Variants in OGG1 observed in about 807,000 individuals in gnomAD.
The protein encoded by OGG1 is N-glycosylase/DNA lyase.
A neutral mutation model predicts 42.3 loss-of-function variants in OGG1; 35 were observed. That is an observed-to-expected ratio of 0.83 (90% CI 0.63 to 1.10). OGG1 has a LOEUF of 1.10. Among genes scored for constraint, OGG1 ranks in the 50% least tolerant of loss-of-function variants. The probability of loss-of-function intolerance (pLI) is 0.00; values close to 1 mark genes in which losing one functional copy is unlikely to be tolerated. For synonymous variants in OGG1, 189 were observed against 179.0 expected, an observed-to-expected ratio of 1.06 and a Z score of -0.44; for missense variants, 484 against 446.7, an observed-to-expected ratio of 1.08 and a Z score of -0.75.
At chr3:9,786,680 A>G (rs1559718775) in intron 3 of OGG1, among the ~76,000 whole-genome samples, 1 of 152,184 alleles carries the variant, frequency 6.6e-6, no homozygotes, top group Non-Finnish European at 1.5e-5. Context: ...TTGTGGAGTA[A>G]GGCTACCTTT....
At chr3:9,760,646 C>T, downstream of OGG1, 1 of 1,613,654 alleles carries the variant, frequency 6.2e-7, no homozygotes, top group Non-Finnish European at 8.5e-7. Flanking sequence ...AAAAGCAAAG[C>T]CCCAAATACC....
At chr3:9,786,582 T>C (rs975314354) in intron 3 of OGG1, among the ~76,000 whole-genome samples, 5 of 152,210 alleles carry the variant, frequency 3.3e-5, no homozygotes, top group African/African-American at 1.2e-4. Context: ...CTCAATCTTC[T>C]TATCTGTAAC....
chr3:9,782,769 CAA>C (rs2078508064), intron 3 of OGG1, among the ~76,000 whole-genome samples: 1 of 126,708 alleles, frequency 7.9e-6, no homozygotes, highest in Non-Finnish European at 1.6e-5. Context: ...CCAGCCTGGG[CAA>C]CAGAGTGAGA....
In OGG1 at chr3:9,756,503, C is replaced by G; in HGVS notation, c.780C>G (p.Asp260Glu). ...ACTGCATCTGCCTGATGGCCCTAGACAAGCCCCAGGCTGTGCCCGTGGATG... is the reference window on the plus strand; with the variant it reads ...ACTGCATCTGCCTGATGGCCCTAGAGAAGCCCCAGGCTGTGCCCGTGGATG... ...VADCICLMAL[D>E]KPQAVPVDVH... Residue 260 changes from aspartate to glutamate, a missense_variant, in exon 5 of 7, where the codon GAC (aspartate) becomes GAG (glutamate). By Grantham distance (45) the Asp-to-Glu change is conservative. Transcript: ENST00000344629. 2 of 1,614,162 alleles carry G rather than the reference C, an allele frequency of 1.2e-6. No homozygotes were observed. Among genetic ancestry groups the G allele is most frequent in the Non-Finnish European group, 1.7e-6 (2 of 1,180,020 alleles).
chr3:9,783,885 A>G, intron 3 of OGG1: 3 of 1,382,080 alleles, frequency 2.2e-6, no homozygotes, highest in South Asian at 1.6e-5. Context: ...TGGACTGGCC[A>G]CTGCTGTTTT....
chr3:9,783,761 G>A, intron 3 of OGG1: 2 of 433,030 alleles, frequency 4.6e-6, no homozygotes, highest in Non-Finnish European at 7.8e-6. Context: ...CTGGGTGACA[G>A]TGCGAGACTC....
At chr3:9,753,578 C>T (rs1240006438) in intron 3 of OGG1, among the ~76,000 whole-genome samples, 2 of 148,930 alleles carry the variant, frequency 1.3e-5, no homozygotes, top group Admixed American at 6.7e-5. Context: ...GGCGTGAACC[C>T]GGGAGGCGAA....
At chr3:9,754,324 A>G (rs1454734209) in intron 3 of OGG1, among the ~76,000 whole-genome samples, 1 of 152,252 alleles carries the variant, frequency 6.6e-6, no homozygotes, top group East Asian at 1.9e-4. Context: ...TATCTGAAGC[A>G]TGTTGCCTAG....
chr3:9,756,431 T>C (rs1177456902), intron 4 of OGG1, 40 bp from the exon 5 acceptor site: 6 of 1,610,692 alleles, frequency 3.7e-6, no homozygotes, highest in African/African-American at 1.3e-5. Flanking sequence ...GGCCACATGC[T>C]GCCCTTCTTC....
At chr3:9,759,745 C>G (rs1559695168), downstream of OGG1, 1 of 1,614,184 alleles carries the variant, frequency 6.2e-7, no homozygotes, top group South Asian at 1.1e-5. Context: ...CGGATGAAAT[C>G]TTTGGCTAAA....
exon 4 of OGG1, chr3:9,788,209 C>A (rs1478232801): frequency 6.5e-6 from 1 of 155,036 alleles, no homozygotes; most frequent in Non-Finnish European, 1.4e-5. Flanking sequence ...TTTAATGGAG[C>A]ATGTTTTATT....
At chr3:9,759,684 A>G (rs199997024), downstream of OGG1, 19 of 1,614,174 alleles carry the variant, frequency 1.2e-5, no homozygotes, top group Non-Finnish European at 1.2e-5. Context: ...TGGGTGCTGC[A>G]AGGCCTGCTC....
At chr3:9,754,592 G>A in intron 3 of OGG1, 112 bp from the exon 4 acceptor site, 3 of 1,149,418 alleles carry the variant, frequency 2.6e-6, no homozygotes, top group East Asian at 2.5e-5. Context: ...TGGGGAGGTA[G>A]GAGGGGAACT....
downstream of OGG1, among the ~76,000 whole-genome samples, chr3:9,770,662 CG>C (rs1301587673): frequency 6.6e-6 from 1 of 152,112 alleles, no homozygotes; most frequent in Non-Finnish European, 1.5e-5. Flanking sequence ...ACGTGACTGG[CG>C]GGGCTCCAGA....
downstream of OGG1, among the ~76,000 whole-genome samples, chr3:9,771,018 CTTCT>C (rs1191192037): frequency 1.3e-5 from 2 of 151,382 alleles, no homozygotes; most frequent in South Asian, 2.1e-4. Flanking sequence ...TCTTTCTCTT[CTTCT>C]TTTTTTCTTT....
intron 3 of OGG1, among the ~76,000 whole-genome samples, chr3:9,754,226 T>C (rs73021447): frequency 0.047 from 7,220 of 152,294 alleles, 250 homozygotes; most frequent in East Asian, 0.074. Flanking sequence ...TAAGTTAACC[T>C]CTTCTAAGCC....
At chr3:9,788,905 G>A (rs1447608223), downstream of OGG1, among the ~76,000 whole-genome samples, 5 of 149,420 alleles carry the variant, frequency 3.3e-5, no homozygotes, top group East Asian at 2.0e-4. Context: ...GCGTGATCTC[G>A]GCTCACTGCA....
rs1456655954 is a variant in OGG1, at chr3:9,750,805, T to C, written c.138-140T>C. The C allele has an allele frequency of 3.8e-6, 4 of 1,048,858 alleles. No individual in the cohort carries two copies. The African/African-American group carries it at 6.3e-5, about 16-fold the overall frequency. 65.0% of individuals were successfully genotyped at this position (1,048,858 alleles called of 1,614,324 possible). On this transcript the variant is annotated intron_variant, in intron 1 of 6. Coordinates refer to ENST00000344629, the MANE Select transcript of OGG1 (RefSeq NM_002542.6). ...TTTGTATTTTTTGTAGAGGTGAGGTTTCGCCATGTTGCTCAGACTGGAAGA... is the reference window on the plus strand; with the variant it reads ...TTTGTATTTTTTGTAGAGGTGAGGTCTCGCCATGTTGCTCAGACTGGAAGA...
chr3:9,790,796 T>A (rs190525901), downstream of OGG1, among the ~76,000 whole-genome samples: 1 of 152,338 alleles, frequency 6.6e-6, no homozygotes, highest in Non-Finnish European at 1.5e-5. Context: ...CTCAGAGATA[T>A]GAGGCAACTT....
Sources: gnomAD v4.1 joint callset for allele counts (sites outside exome capture counted in the v4.1 genomes callset) on GRCh38, gnomAD v4.1.1 for gene constraint, MANE v1.5 for transcripts, NCBI Gene and HGNC (gene_info 2026-07-23, HGNC 2026-07-21) for gene names.